Variants in PSD3 observed in about 807,000 individuals in gnomAD.
PSD3 encodes the protein pleckstrin and Sec7 domain containing 3.
In PSD3, 49 loss-of-function variants were observed where a neutral mutation model predicts 105.5. The observed-to-expected ratio is 0.46, with a 90% confidence interval of 0.37 to 0.59. PSD3 has a LOEUF of 0.59. PSD3 is among the 20% of genes least tolerant of loss of function. The pLI, the probability that PSD3 is intolerant of heterozygous loss-of-function variation, is 0.00. For missense variants in PSD3, 1,561 were observed against 1,263.8 expected, an observed-to-expected ratio of 1.24 and a Z score of -3.57; for synonymous variants, 557 against 457.8, an observed-to-expected ratio of 1.22 and a Z score of -2.77.
rs1337197870 is a variant in PSD3, at chr8:18,527,674, T to TA, written c.*8068dup. 2.6e-5 allele frequency: 4 copies of TA among 152,652 alleles called. No homozygotes were observed. The highest frequency in any genetic ancestry group is 9.6e-5 in the African/African-American group (4 of 41,458). 9.5% of individuals were successfully genotyped at this position (152,652 alleles called of 1,614,324 possible). ...TAAACTTAATTGTCAAAATATTCTT[T>TA]AAACACTTTAACAATATCCACACAA... On this transcript the variant is annotated 3_prime_UTR_variant, in exon 16 of 16. Transcript: ENST00000327040.
At chr8:18,923,829 G>A (rs1232747525) in intron 2 of PSD3, among the ~76,000 whole-genome samples, 1 of 149,864 alleles carries the variant, frequency 6.7e-6, no homozygotes, top group African/African-American at 2.5e-5. Context: ...AAGCTGATTT[G>A]ATCCTACTCT....
intron 4 of PSD3, among the ~76,000 whole-genome samples, chr8:18,832,516 A>G (rs537421627): frequency 4.0e-4 from 61 of 152,304 alleles, no homozygotes; most frequent in Non-Finnish European, 7.1e-4. Flanking sequence ...TGGTTGCTCA[A>G]GTTCACCAAT....
At chr8:18,878,423 G>C (rs911243569) in intron 2 of PSD3, among the ~76,000 whole-genome samples, 3 of 151,972 alleles carry the variant, frequency 2.0e-5, no homozygotes, top group Admixed American at 2.0e-4. Flanking sequence ...TTCTAATCAA[G>C]TCTCTGTCAA....
At chr8:18,886,350 G>A (rs776768770) in intron 2 of PSD3, among the ~76,000 whole-genome samples, 14 of 152,072 alleles carry the variant, frequency 9.2e-5, no homozygotes, top group South Asian at 2.1e-4. Flanking sequence ...GAGGGCAGCC[G>A]GCATCTCTCT....
At chr8:18,850,598 G>A (rs752697793) in intron 4 of PSD3, among the ~76,000 whole-genome samples, 13 of 152,144 alleles carry the variant, frequency 8.5e-5, no homozygotes, top group Non-Finnish European at 1.5e-4. Flanking sequence ...GACAATTGTC[G>A]TAAGTTATTT....
intron 1 of PSD3, among the ~76,000 whole-genome samples, chr8:18,971,922 T>C (rs1043484732): frequency 6.6e-6 from 1 of 151,944 alleles, no homozygotes; most frequent in African/African-American, 2.4e-5. Context: ...GGAGAATCGC[T>C]TGAGCCTGGG....
In PSD3 at chr8:18,643,342, A is replaced by G. The variant is rs1324773414; in HGVS notation, c.2217-10536T>C. Among the ~76,000 whole-genome samples, 4 of 152,208 alleles carry G rather than the reference A, an allele frequency of 2.6e-5. No homozygotes were observed. In the East Asian group the frequency reaches 7.7e-4, roughly 29 times the overall value. ...AATGGTTGGGGGACATATTCAAACC[A>G]TAGTATTCTGTCTGTGGCCTCTGAA... On this transcript the variant is annotated intron_variant, in intron 10 of 15. Coordinates refer to ENST00000327040, the MANE Select transcript of PSD3 (RefSeq NM_015310.4).
chr8:19,071,302 G>A (rs1034193685), intron 1 of PSD3, among the ~76,000 whole-genome samples: 4 of 150,666 alleles, frequency 2.7e-5, no homozygotes, highest in Non-Finnish European at 5.9e-5. Flanking sequence ...TCCTGACCTC[G>A]AGTGATCCTC....
chr8:18,590,762 G>C (rs1428722587), intron 12 of PSD3, among the ~76,000 whole-genome samples: 3 of 152,040 alleles, frequency 2.0e-5, no homozygotes, highest in African/African-American at 7.3e-5. Flanking sequence ...AATACTACAT[G>C]CATTTAAAAA....
At chr8:18,742,797 A>G (rs915142496) in intron 9 of PSD3, among the ~76,000 whole-genome samples, 11 of 152,200 alleles carry the variant, frequency 7.2e-5, no homozygotes, top group African/African-American at 2.7e-4. Context: ...TTTATTTTTC[A>G]TAAAGACAAA....
At chr8:18,654,896 C>T (rs926921349) in intron 10 of PSD3, among the ~76,000 whole-genome samples, 20 of 152,004 alleles carry the variant, frequency 1.3e-4, no homozygotes, top group African/African-American at 4.6e-4. Flanking sequence ...GGAAATAAAC[C>T]TGGAAAGCCA....
chr8:18,554,435 G>A (rs778612699), intron 15 of PSD3, among the ~76,000 whole-genome samples: 4 of 151,892 alleles, frequency 2.6e-5, no homozygotes, highest in Non-Finnish European at 4.4e-5. Context: ...AGGCTTCTAC[G>A]GTTTTTGCTA....
chr8:18,818,149 T>C (rs573738596), intron 4 of PSD3, among the ~76,000 whole-genome samples: 1 of 152,030 alleles, frequency 6.6e-6, no homozygotes, highest in African/African-American at 2.4e-5. Context: ...GAGAAGGGGT[T>C]TTGCCATGTT....
intron 15 of PSD3, among the ~76,000 whole-genome samples, chr8:18,544,856 C>T (rs193224234): frequency 1.6e-4 from 25 of 152,220 alleles, no homozygotes; most frequent in African/African-American, 3.4e-4. Context: ...AGTGCCCCTA[C>T]GGAGTTTCCT....
intron 9 of PSD3, among the ~76,000 whole-genome samples, chr8:18,673,436 T>G (rs1440021088): frequency 6.6e-6 from 1 of 152,192 alleles, no homozygotes; most frequent in Non-Finnish European, 1.5e-5. Context: ...TTACTCAGTT[T>G]TCTACGAATC....
chr8:18,698,001 T>C (rs1171289230), intron 9 of PSD3, among the ~76,000 whole-genome samples: 1 of 152,224 alleles, frequency 6.6e-6, no homozygotes, highest in African/African-American at 2.4e-5. Context: ...ACTCTGTGAA[T>C]ATTATATGTC....
At chr8:18,926,782 G>A (rs930369959) in intron 2 of PSD3, among the ~76,000 whole-genome samples, 1 of 152,086 alleles carries the variant, frequency 6.6e-6, no homozygotes, top group African/African-American at 2.4e-5. Flanking sequence ...CCAGCTAGTT[G>A]TCCTCTAATG....
rs934845824 is a variant in PSD3 at position 18,531,914 on chromosome 8, G to A, written c.*3829C>T. The A allele has an allele frequency of 3.3e-5, 5 of 152,146 alleles. No individual in the cohort carries two copies. The highest frequency in any genetic ancestry group is 4.4e-5 in the Non-Finnish European group (3 of 68,026). 9.4% of individuals were successfully genotyped at this position (152,146 alleles called of 1,614,324 possible). A position where few individuals can be genotyped will look rare whatever the true frequency, so the allele number is the denominator to read the frequency against. ...CTGCTGAAAACTCGACCAAGTCCAC[G>A]GGAGTTAAATTACAGAGATTCAAAC... On this transcript the variant is annotated 3_prime_UTR_variant, in exon 16 of 16. Coordinates refer to ENST00000327040, the MANE Select transcript of PSD3 (RefSeq NM_015310.4).
intron 1 of PSD3, among the ~76,000 whole-genome samples, chr8:19,078,027 GA>G (rs969316370): frequency 1.3e-5 from 2 of 151,260 alleles, no homozygotes; most frequent in African/African-American, 2.4e-5. Flanking sequence ...AATCTACAAG[GA>G]AAAAAAAATT....
Sources: gnomAD v4.1 joint callset for allele counts (sites outside exome capture counted in the v4.1 genomes callset) on GRCh38, gnomAD v4.1.1 for gene constraint, MANE v1.5 for transcripts, NCBI Gene and HGNC (gene_info 2026-07-23, HGNC 2026-07-21) for gene names.